The following PADI6 variants were observed in gnomAD, a reference collection of about 807,000 sequenced individuals.
PADI6 encodes inactive protein-arginine deiminase type-6.
Under a neutral mutation model 78.2 loss-of-function variants are expected in PADI6, and 66 were observed. The ratio of observed to expected loss-of-function variants is 0.84; its 90% CI spans 0.69 to 1.04. The LOEUF (loss-of-function observed/expected upper bound fraction) is 1.04, where lower values mean the gene tolerates loss of function less well. Ranked by LOEUF, PADI6 falls within the 50% of genes least tolerant of loss-of-function variation. PADI6 has a pLI of 0.00. For missense variants in PADI6, 854 were observed against 866.1 expected (o/e 0.99, Z 0.18); for synonymous variants, 397 against 346.9 (o/e 1.14, Z -1.60).
At chr1:17,376,617 C>T (rs1203147439) in intron 3 of PADI6, among the ~76,000 whole-genome samples, 1 of 151,618 alleles carries the variant, frequency 6.6e-6, no homozygotes, top group South Asian at 2.1e-4. Flanking sequence ...CCAGGCTGGT[C>T]TCAATCTCCT....
intron 4 of PADI6, 83 bp downstream of exon 4, chr1:17,380,070 G>C: frequency 3.6e-6 from 5 of 1,381,126 alleles, no homozygotes; most frequent in Non-Finnish European, 5.1e-6. Flanking sequence ...GACCTTCCTC[G>C]TGTCTAGCCC....
chr1:17,377,954 A>G (rs1045998203), intron 3 of PADI6, among the ~76,000 whole-genome samples: 8 of 152,062 alleles, frequency 5.3e-5, no homozygotes, highest in Non-Finnish European at 8.8e-5. Context: ...TACACGAGTA[A>G]CCCTGCACTG....
At chr1:17,385,739 G>A (rs918213948) in intron 6 of PADI6, among the ~76,000 whole-genome samples, 22 of 147,412 alleles carry the variant, frequency 1.5e-4, no homozygotes, top group Admixed American at 2.7e-4. Flanking sequence ...TGACATCGTC[G>A]TCCCCAAAAG....
At chr1:17,378,460 T>A (rs1437593669) in intron 3 of PADI6, among the ~76,000 whole-genome samples, 1 of 152,076 alleles carries the variant, frequency 6.6e-6, no homozygotes, top group Non-Finnish European at 1.5e-5. Flanking sequence ...GCATGTCAAA[T>A]AATGAGCTGT....
Position 17,398,853 on chromosome 1 carries a change from G to A in PADI6, c.1851+6G>A. On this transcript the variant is annotated splice_donor_region_variant and intron_variant, in intron 15 of 15. Transcript: ENST00000619609. ...GGCCATACTTCCCTGACCTGGTGAGGGGCGACTGCGCATCCCTGGGTGGGG... is the reference window on the plus strand; with the variant it reads ...GGCCATACTTCCCTGACCTGGTGAGAGGCGACTGCGCATCCCTGGGTGGGG... 1.2e-6 allele frequency: 2 copies of A among 1,612,814 alleles called. No individual in the cohort carries two copies. Among genetic ancestry groups the A allele is most frequent in the East Asian group, 4.5e-5 (2 of 44,848 alleles).
chr1:17,380,094 T>C, intron 4 of PADI6, 107 bp downstream of exon 4: 1 of 1,110,762 alleles, frequency 9.0e-7, no homozygotes, highest in Non-Finnish European at 1.3e-6. Flanking sequence ...TGCTGTGACA[T>C]TGCTGAAGGA....
chr1:17,386,536 G>T (rs2075121375), intron 6 of PADI6, among the ~76,000 whole-genome samples: 1 of 152,244 alleles, frequency 6.6e-6, no homozygotes. Flanking sequence ...GCTATCGCAG[G>T]TCAAGAGGGC....
chr1:17,390,602 C>CA (rs11410245), intron 8 of PADI6, among the ~76,000 whole-genome samples: 11,502 of 134,978 alleles, frequency 0.085, 566 homozygotes, highest in Middle Eastern at 0.15. Flanking sequence ...GATTCCATCT[C>CA]AAAAAAAAAA....
intron 3 of PADI6, among the ~76,000 whole-genome samples, chr1:17,378,886 T>C (rs1311901997): frequency 6.6e-6 from 1 of 150,676 alleles, no homozygotes; most frequent in Non-Finnish European, 1.5e-5. Flanking sequence ...GTTACAGGCA[T>C]GAGCCACCAT....
rs572210244 is a variant in PADI6, at chr1:17,380,376, A to AT, written c.435+398dup. ...AAGCGTGTGCCACCACACCTGGCTA[A>AT]TTTTTTTTTGAGACGGAGTCTCGCT... On this transcript the variant is annotated intron_variant, in intron 4 of 15. Transcript: ENST00000619609. Among the ~76,000 whole-genome samples, 371 of 146,796 alleles carry AT rather than the reference A, an allele frequency of 2.5e-3. 1 individual carries two copies. Among genetic ancestry groups the AT allele is most frequent in the Admixed American group, 7.2e-3 (106 of 14,804 alleles).
chr1:17,394,211 T>C, intron 10 of PADI6, 89 bp from the exon 11 acceptor site: 1 of 1,567,372 alleles, frequency 6.4e-7, no homozygotes. Context: ...GACGTGGAAG[T>C]CTACCTGAGA....
chr1:17,393,881 C>A, intron 9 of PADI6, 94 bp from the exon 10 acceptor site: 1 of 1,105,008 alleles, frequency 9.0e-7, no homozygotes, highest in Non-Finnish European at 1.4e-6. Flanking sequence ...CAGGAGTTGG[C>A]AGGAAGGAAG....
chr1:17,400,836 T>C (rs1482628143), intron 15 of PADI6, among the ~76,000 whole-genome samples: 1 of 152,026 alleles, frequency 6.6e-6, no homozygotes, highest in Non-Finnish European at 1.5e-5. Flanking sequence ...TGAGTAACGG[T>C]AAGAAGCTGC....
In PADI6 at chr1:17,392,200, C is replaced by T. The variant is rs907958783; in HGVS notation, c.1049C>T (p.Pro350Leu). Residue 350 changes from proline (P) to leucine (L), a missense_variant, in exon 9 of 16, where the codon CCC becomes CTC. Pro to Leu is a moderately conservative substitution (Grantham distance 98, BLOSUM62 -3). Coordinates refer to ENST00000619609, the MANE Select transcript of PADI6 (RefSeq NM_207421.4). ...NSQVASVYED[P>L]NRLGRWLQDE... ...CAGGTGGCATCTGTCTATGAGGACC[C>T]CAACCGCCTGGGCAGGTGGCTCCAG... The T allele has an allele frequency of 9.0e-6, 14 of 1,557,756 alleles. No individual in the cohort carries two copies. Among genetic ancestry groups the T allele is most frequent in the Non-Finnish European group, 1.2e-5 (14 of 1,150,530 alleles).
At chr1:17,379,492 A>G (rs2100292989) in intron 3 of PADI6, among the ~76,000 whole-genome samples, 1 of 152,236 alleles carries the variant, frequency 6.6e-6, no homozygotes, top group South Asian at 2.1e-4. Context: ...CCTGACCTTA[A>G]GTGATCCATC....
In PADI6 at chr1:17,394,968, T is replaced by C; in HGVS notation, c.1355T>C (p.Met452Thr). Residue 452 changes from methionine (M) to threonine (T), a missense_variant, in exon 12 of 16, where the codon ATG becomes ACG. Transcript: ENST00000619609. The part of the protein sequence containing the change: ...SFYPSAEGRA[M>T]SKTLRDFLYA... ...CCTTCTAGCGCAGAGGGCCGGGCCA[T>C]GAGTAAGACCCTCCGAGACTTCCTC... 1 of 1,612,372 alleles carries C rather than the reference T, an allele frequency of 6.2e-7. No individual in the cohort carries two copies. Among genetic ancestry groups the C allele is most frequent in the Non-Finnish European group, 8.5e-7 (1 of 1,179,676 alleles).
At chr1:17,381,203 TCTTTG>T in intron 5 of PADI6, 39 bp downstream of exon 5, 2 of 1,510,102 alleles carry the variant, frequency 1.3e-6, no homozygotes, top group Non-Finnish European at 1.8e-6. Flanking sequence ...CTTCTTGGTC[TCTTTG>T]CTGCCCTGCT....
intron 9 of PADI6, among the ~76,000 whole-genome samples, chr1:17,393,593 C>G (rs961867966): frequency 6.6e-6 from 1 of 152,116 alleles, no homozygotes; most frequent in Admixed American, 6.6e-5. Context: ...GCCTCTGCCT[C>G]CTCCTGAGTA....
Position 17,373,144 on chromosome 1 carries a change from G to A in PADI6, c.205G>A (p.Glu69Lys). The A allele has an allele frequency of 1.2e-6, 2 of 1,614,010 alleles. No homozygotes were observed. The highest frequency in any genetic ancestry group is 1.7e-6 in the Non-Finnish European group (2 of 1,179,886). Reference protein sequence around the residue: ...DVANTVISEKEDATIWWPLSD... With the variant: ...DVANTVISEKKDATIWWPLSD... ...GGCCAACACGGTGATTTCTGAGAAG[G>A]AGGACGCCACCATCTGGTGGCCCCT... The change falls in exon 2 of 16, where the codon GAG becomes AAG. Residue 69 changes from glutamate (E) to lysine (K), a missense_variant. Physicochemically the swap from Glu to Lys is moderately conservative, Grantham distance 56 (BLOSUM62 1). Coordinates refer to ENST00000619609, the MANE Select transcript of PADI6 (RefSeq NM_207421.4).
Sources: gnomAD v4.1 joint callset for allele counts (sites outside exome capture counted in the v4.1 genomes callset) on GRCh38, gnomAD v4.1.1 for gene constraint, MANE v1.5 for transcripts, NCBI Gene and HGNC (gene_info 2026-07-23, HGNC 2026-07-21) for gene names.